The following FAM114A1 variants were observed in gnomAD, a reference collection of about 807,000 sequenced individuals.
FAM114A1 encodes the protein family with sequence similarity 114 member A1.
In FAM114A1, 62 loss-of-function variants were observed where a neutral mutation model predicts 64.3. That is an observed-to-expected ratio of 0.96 (90% confidence interval 0.79 to 1.19). The LOEUF (loss-of-function observed/expected upper bound fraction) is 1.19, where lower values mean the gene tolerates loss of function less well. Among genes scored for constraint, FAM114A1 ranks in the 50% most tolerant of loss-of-function variants. The pLI is 0.00. For missense variants in FAM114A1, 645 were observed against 676.3 expected (o/e 0.95, Z 0.51); for synonymous variants, 254 against 251.1 (o/e 1.01, Z -0.11).
At chr4:38,884,792 A>G (rs1715631649) in intron 3 of FAM114A1, among the ~76,000 whole-genome samples, 1 of 152,150 alleles carries the variant, frequency 6.6e-6, no homozygotes, top group African/African-American at 2.4e-5. Context: ...TGGATTTCAG[A>G]GCTAAGGTTT....
intron 4 of FAM114A1, among the ~76,000 whole-genome samples, chr4:38,899,097 A>G (rs1355022751): frequency 6.6e-6 from 1 of 151,710 alleles, no homozygotes; most frequent in Non-Finnish European, 1.5e-5. Context: ...AAAAAGACCA[A>G]GGTAGATCAG....
rs373060898 is a variant in FAM114A1 at position 38,882,912 on chromosome 4, C to T, written c.348+4486C>T. ...GTGGCCAGAGTCAAGGAGGAGGCCA[C>T]CTTTCTGGCTGGCACCTCTGTTTTT... On this transcript the variant is annotated intron_variant, in intron 3 of 14. Transcript: ENST00000358869. 1.2e-3 allele frequency among the ~76,000 whole-genome samples: 187 copies of T among 152,336 alleles called. 1 individual carries two copies. The highest frequency in any genetic ancestry group is 3.9e-3 in the African/African-American group (161 of 41,568).
At chr4:38,913,780 A>T (rs958067073) in intron 7 of FAM114A1, among the ~76,000 whole-genome samples, 5 of 152,220 alleles carry the variant, frequency 3.3e-5, no homozygotes, top group African/African-American at 1.2e-4. Flanking sequence ...GAAATTTAAT[A>T]ACCACGTACA....
At chr4:38,880,090 A>AGTAG (rs3067658) in intron 3 of FAM114A1, among the ~76,000 whole-genome samples, 4,729 of 91,710 alleles carry the variant, frequency 0.052, 119 homozygotes, top group Non-Finnish European at 0.063. Flanking sequence ...AAATAAAATA[A>AGTAG]AATAAAATAA....
chr4:38,891,349 A>G (rs1716363914), intron 3 of FAM114A1, among the ~76,000 whole-genome samples: 1 of 132,748 alleles, frequency 7.5e-6, no homozygotes, highest in Non-Finnish European at 1.6e-5. Context: ...CTTGAAGAGC[A>G]CATTTTTTAA....
intron 7 of FAM114A1, among the ~76,000 whole-genome samples, chr4:38,911,928 C>T (rs1718590954): frequency 7.4e-6 from 1 of 135,068 alleles, no homozygotes. Flanking sequence ...GTGGCGCGAT[C>T]TTGACTCACT....
At chr4:38,889,654 G>T (rs1372177791) in intron 3 of FAM114A1, among the ~76,000 whole-genome samples, 2 of 152,168 alleles carry the variant, frequency 1.3e-5, no homozygotes, top group African/African-American at 4.8e-5. Flanking sequence ...TGAGTAACTT[G>T]TTGTCCAAAA....
chr4:38,874,486 A>T (rs1714415548), intron 2 of FAM114A1, among the ~76,000 whole-genome samples: 1 of 152,024 alleles, frequency 6.6e-6, no homozygotes, highest in Admixed American at 6.5e-5. Flanking sequence ...GTACCTATTT[A>T]TGTCATTTGC....
At chr4:38,911,673 C>T (rs545318163) in intron 7 of FAM114A1, among the ~76,000 whole-genome samples, 7 of 152,124 alleles carry the variant, frequency 4.6e-5, no homozygotes, top group South Asian at 2.1e-4. Context: ...CAAGGTCTTT[C>T]GGACAACTGG....
At chr4:38,905,332 G>T (rs1411708265) in intron 4 of FAM114A1, among the ~76,000 whole-genome samples, 190 bp from the exon 5 acceptor site, 3 of 151,954 alleles carry the variant, frequency 2.0e-5, no homozygotes, top group Non-Finnish European at 4.4e-5. Context: ...TCGGGAGGCG[G>T]AGGTTGCAGT....
rs766132172 is a variant in FAM114A1 at position 38,878,146 on chromosome 4, G to A, written c.68G>A (p.Ser23Asn). The stretch of plus-strand genomic sequence containing the variant: ...GCAGAAGTTACTGAGATGCCTAATA[G>A]TGATTCTTTACCTGAGGATGCAGAA... ...DKAEVTEMPNSDSLPEDAEVH... is the reference protein window; with the variant it reads ...DKAEVTEMPNNDSLPEDAEVH... Residue 23 changes from serine to asparagine, a missense_variant, in exon 3 of 15, where the codon AGT becomes AAT. Ser to Asn is a conservative substitution (Grantham distance 46, BLOSUM62 1). Transcript: ENST00000358869. 1.1e-5 allele frequency: 18 copies of A among 1,614,088 alleles called. No homozygotes were observed. In the African/African-American group the frequency reaches 2.3e-4, roughly 20 times the overall value.
intron 4 of FAM114A1, among the ~76,000 whole-genome samples, chr4:38,902,222 C>A (rs780658269): frequency 1.3e-5 from 2 of 152,130 alleles, no homozygotes; most frequent in Non-Finnish European, 2.9e-5. Flanking sequence ...AATGAGTATA[C>A]TAATATCCCT....
chr4:38,926,057 T>A (rs186366292), intron 9 of FAM114A1, among the ~76,000 whole-genome samples: 1 of 152,262 alleles, frequency 6.6e-6, no homozygotes, highest in Non-Finnish European at 1.5e-5. Context: ...ACTTTGTGTT[T>A]ACAAAACACT....
At chr4:38,875,853 C>T (rs1168500681) in intron 2 of FAM114A1, among the ~76,000 whole-genome samples, 1 of 152,112 alleles carries the variant, frequency 6.6e-6, no homozygotes, top group African/African-American at 2.4e-5. Flanking sequence ...TTTGTTGAGA[C>T]AGAACATTTT....
intron 4 of FAM114A1, among the ~76,000 whole-genome samples, chr4:38,894,568 T>G (rs1716729160): frequency 6.6e-6 from 1 of 152,214 alleles, no homozygotes; most frequent in Non-Finnish European, 1.5e-5. Flanking sequence ...CACAGTCCAC[T>G]GGAACCAAAT....
intron 3 of FAM114A1, among the ~76,000 whole-genome samples, chr4:38,879,890 G>A (rs1715036657): frequency 6.6e-6 from 1 of 151,672 alleles, no homozygotes; most frequent in South Asian, 2.1e-4. Flanking sequence ...GCAATGTGGC[G>A]AACCCTGTCT....
rs1326894670 is a variant in FAM114A1 at position 38,915,072 on chromosome 4, A to T, written c.944A>T (p.Lys315Met). ...ATTCTGTCCAATGAAAGCGAAAGCA[A>T]GGTACTTCTGCACTACTCGTTTGAA... Reference protein sequence around the residue: ...LEILSNESESKVQSFLASLDG... With the variant: ...LEILSNESESMVQSFLASLDG... The change falls in exon 8 of 15, where the codon AAG (lysine) becomes ATG (methionine). Residue 315 changes from lysine (K) to methionine (M), a missense_variant and splice_region_variant. Physicochemically the swap from Lys to Met is moderately conservative, Grantham distance 95. Transcript: ENST00000358869. The T allele has an allele frequency of 1.2e-6, 2 of 1,614,158 alleles. No homozygotes were observed. Among genetic ancestry groups the T allele is most frequent in the Non-Finnish European group, 1.7e-6 (2 of 1,180,010 alleles).
In FAM114A1 at chr4:38,921,442, A is replaced by G. The variant is rs1579380259; in HGVS notation, c.946-1328A>G. Reference sequence around the variant, plus strand: ...CTGGCTAATTTTCTTAAAATTTTTTATAGAGATGGGGTCTCACTATGTTGA... The same window carrying G: ...CTGGCTAATTTTCTTAAAATTTTTTGTAGAGATGGGGTCTCACTATGTTGA... On this transcript the variant is annotated intron_variant, in intron 8 of 14. Transcript: ENST00000358869. 2.0e-5 allele frequency among the ~76,000 whole-genome samples: 3 copies of G among 151,720 alleles called. No individual in the cohort carries two copies. In the South Asian group the frequency reaches 6.2e-4, roughly 32 times the overall value.
In FAM114A1 at chr4:38,915,712, T is replaced by C. The variant is rs73150463; in HGVS notation, c.945+639T>C. Among the ~76,000 whole-genome samples, 497 of 145,886 alleles carry C rather than the reference T, an allele frequency of 3.4e-3. 3 individuals carry two copies. The highest frequency in any genetic ancestry group is 0.013 in the African/African-American group (481 of 35,946). On this transcript the variant is annotated intron_variant, in intron 8 of 14. Coordinates refer to ENST00000358869, the MANE Select transcript of FAM114A1 (RefSeq NM_138389.4). Reference sequence around the variant, plus strand: ...ATGAATAGCAAAAGTCAGCAGGGTTTGGTGATTTTTTTCCCTTAAAGCATC... The same window carrying C: ...ATGAATAGCAAAAGTCAGCAGGGTTCGGTGATTTTTTTCCCTTAAAGCATC...
Sources: gnomAD v4.1 joint callset for allele counts (sites outside exome capture counted in the v4.1 genomes callset) on GRCh38, gnomAD v4.1.1 for gene constraint, MANE v1.5 for transcripts, NCBI Gene and HGNC (gene_info 2026-07-23, HGNC 2026-07-21) for gene names.